The following ZC3HAV1 variants were observed in gnomAD, a reference collection of about 807,000 sequenced individuals.
The protein encoded by ZC3HAV1 is zinc finger CCCH-type containing, antiviral 1.
A neutral mutation model predicts 86.6 loss-of-function variants in ZC3HAV1; 41 were observed. That is an observed-to-expected ratio of 0.47 (90% CI 0.37 to 0.61). The LOEUF (loss-of-function observed/expected upper bound fraction) is 0.61. Ranked by LOEUF, ZC3HAV1 falls within the 20% of genes least tolerant of loss-of-function variation. ZC3HAV1 has a pLI of 0.00. For missense variants in ZC3HAV1, 964 were observed against 1,141.1 expected (o/e 0.84, Z 2.24); for synonymous variants, 421 against 432.1 (o/e 0.97, Z 0.32).
At chr7:139,087,851 A>G (rs1817314864) in intron 2 of ZC3HAV1, among the ~76,000 whole-genome samples, 1 of 151,784 alleles carries the variant, frequency 6.6e-6, no homozygotes. Context: ...CAACATAGTG[A>G]GACCCTGTCC....
At chr7:139,098,473 G>C (rs1283682583) in intron 1 of ZC3HAV1, among the ~76,000 whole-genome samples, 1 of 152,040 alleles carries the variant, frequency 6.6e-6, no homozygotes, top group African/African-American at 2.4e-5. Context: ...ACCTCTTTTA[G>C]CTTCATTTTC....
chr7:139,096,392 G>A (rs1305615977), intron 1 of ZC3HAV1, among the ~76,000 whole-genome samples: 1 of 152,004 alleles, frequency 6.6e-6, no homozygotes, highest in Non-Finnish European at 1.5e-5. Flanking sequence ...CCCACCACCC[G>A]CCACAATACT....
At chr7:139,095,623 G>C (rs1430765329) in intron 1 of ZC3HAV1, among the ~76,000 whole-genome samples, 2 of 152,234 alleles carry the variant, frequency 1.3e-5, no homozygotes, top group Admixed American at 6.5e-5. Flanking sequence ...GCCCGCTGAG[G>C]ATAGGGGAGG....
At chr7:139,104,083 TG>T (rs149805090) in intron 1 of ZC3HAV1, among the ~76,000 whole-genome samples, 1,537 of 152,302 alleles carry the variant, frequency 0.01, 26 homozygotes, top group African/African-American at 0.035. Context: ...CTGAAAAATG[TG>T]AACACTTATT....
chr7:139,078,687 C>G (rs1161842145), intron 4 of ZC3HAV1, 34 bp from the exon 5 acceptor site: 64 of 1,480,962 alleles, frequency 4.3e-5, no homozygotes, highest in Non-Finnish European at 5.1e-5. Flanking sequence ...GTATGCTGAT[C>G]TTAATGTTTA....
intron 8 of ZC3HAV1, among the ~76,000 whole-genome samples, chr7:139,063,554 C>A (rs544431462): frequency 7.5e-4 from 114 of 151,676 alleles, no homozygotes; most frequent in African/African-American, 2.6e-3. Flanking sequence ...AGATCCCCAT[C>A]TGTACAAAAA....
At chr7:139,085,779 G>A (rs1430729507) in intron 2 of ZC3HAV1, among the ~76,000 whole-genome samples, 1 of 152,162 alleles carries the variant, frequency 6.6e-6, no homozygotes, top group East Asian at 1.9e-4. Context: ...TTGGGAGGCT[G>A]AGGCGGGAGG....
Position 139,076,429 on chromosome 7 carries a change from G to A in ZC3HAV1, c.1574-20C>T, listed in dbSNP as rs769462966. The A allele has an allele frequency of 6.2e-7, 1 of 1,613,598 alleles. No individual in the cohort carries two copies. The highest frequency in any genetic ancestry group is 8.5e-7 in the Non-Finnish European group (1 of 1,179,840). Reference sequence around the variant, plus strand: ...AGCTACCTACAAAGACAAAGAAGGGGTCTGAGGGACTGTTGAGCAGGGATT... The same window carrying A: ...AGCTACCTACAAAGACAAAGAAGGGATCTGAGGGACTGTTGAGCAGGGATT... On this transcript the variant is annotated intron_variant, in intron 5 of 12. Transcript: ENST00000242351.
chr7:139,072,029 T>C (rs1275269498), intron 7 of ZC3HAV1, among the ~76,000 whole-genome samples: 2 of 152,220 alleles, frequency 1.3e-5, no homozygotes, highest in Non-Finnish European at 2.9e-5. Flanking sequence ...CTTTGGCAGT[T>C]AGGCAGCTCA....
At chr7:139,087,040 T>TA (rs1468566310) in intron 2 of ZC3HAV1, among the ~76,000 whole-genome samples, 1 of 152,240 alleles carries the variant, frequency 6.6e-6, no homozygotes, top group Non-Finnish European at 1.5e-5. Context: ...GGCCCGATGT[T>TA]AAAAGTACCT....
chr7:139,063,300 T>A (rs935648858), intron 8 of ZC3HAV1, among the ~76,000 whole-genome samples: 1 of 152,168 alleles, frequency 6.6e-6, no homozygotes, highest in African/African-American at 2.4e-5. Flanking sequence ...ATAGAAGAGA[T>A]TTTAATTTTT....
At chr7:139,102,246 G>A (rs1346533200) in intron 1 of ZC3HAV1, among the ~76,000 whole-genome samples, 1 of 152,072 alleles carries the variant, frequency 6.6e-6, no homozygotes, top group Non-Finnish European at 1.5e-5. Flanking sequence ...TGATCCTCCC[G>A]CCTCAGCCTC....
Position 139,073,994 on chromosome 7 carries a change from T to G in ZC3HAV1, c.1734A>C (p.Val578=). ...GGATGGGAAAGGAATCACAACTCAT[T>G]ACCCGAAAATTGATTGTATAACTTC... is the stretch of plus-strand genomic sequence containing the variant. The part of the protein sequence containing the change: ...SVGSYTINFR[V]MSCDSFPIRR... Residue 578 remains valine (V), a synonymous_variant, in exon 7 of 13, where the codon GTA becomes GTC. Coordinates refer to ENST00000242351, the MANE Select transcript of ZC3HAV1 (RefSeq NM_020119.4). The G allele has an allele frequency of 6.2e-7, 1 of 1,613,458 alleles. No individual in the cohort carries two copies. The highest frequency in any genetic ancestry group is 8.5e-7 in the Non-Finnish European group (1 of 1,179,580).
At chr7:139,059,343 G>A (rs1010907459) in intron 9 of ZC3HAV1, among the ~76,000 whole-genome samples, 1 of 152,188 alleles carries the variant, frequency 6.6e-6, no homozygotes. Flanking sequence ...GGGGCCAAGT[G>A]CAGTGGCTCA....
chr7:139,058,183 CT>C lies in ZC3HAV1; in HGVS notation c.2096+2852del, dbSNP rs1331866610. On this transcript the variant is annotated intron_variant, in intron 9 of 12. Coordinates refer to ENST00000242351, the MANE Select transcript of ZC3HAV1 (RefSeq NM_020119.4). ...CACCCTCCCCCACTAACATGTTTTT[CT>C]AATTTATTTTTTTTATTCATGTGGC... is the stretch of plus-strand genomic sequence containing the variant. 2.3e-5 allele frequency among the ~76,000 whole-genome samples: 3 copies of C among 131,104 alleles called. No homozygotes were observed. In the Admixed American group the frequency reaches 2.6e-4, roughly 11 times the overall value. The allele number at this position is 131,104 out of a possible 152,430, so 86.0% of individuals were successfully genotyped here. A position where few individuals can be genotyped will look rare whatever the true frequency, so the allele number is the denominator to read the frequency against.
intron 5 of ZC3HAV1, among the ~76,000 whole-genome samples, chr7:139,077,605 T>G (rs758256482): frequency 6.6e-6 from 1 of 152,182 alleles, no homozygotes; most frequent in Non-Finnish European, 1.5e-5. Flanking sequence ...GGCTGCACTA[T>G]GGTTTAGCTT....
At chr7:139,078,489 T>C (rs962060545) in intron 5 of ZC3HAV1, 63 bp downstream of exon 5, 6 of 1,237,010 alleles carry the variant, frequency 4.9e-6, no homozygotes, top group African/African-American at 1.5e-5. Flanking sequence ...CCCATGTTCA[T>C]AGCAGTGTTA....
Position 139,079,449 on chromosome 7 carries a change from G to A in ZC3HAV1, c.1471+21C>T, listed in dbSNP as rs770468171. 11 of 1,614,092 alleles carry A rather than the reference G, an allele frequency of 6.8e-6. No individual in the cohort carries two copies. In the East Asian group the frequency reaches 1.1e-4, roughly 16 times the overall value. ...TCATGAACAAATGTACTAGCCCAAA[G>A]TGTCTTCCCTTTGTATTTACCGTTA... On this transcript the variant is annotated intron_variant, in intron 4 of 12. Transcript: ENST00000242351.
At chr7:139,083,554 C>T (rs1584861435) in intron 3 of ZC3HAV1, among the ~76,000 whole-genome samples, 2 of 151,904 alleles carry the variant, frequency 1.3e-5, no homozygotes, top group African/African-American at 2.4e-5. Context: ...CATGGCGAAA[C>T]CCCGTCTCTA....
Sources: allele counts gnomAD v4.1 joint callset (sites outside exome capture counted in the v4.1 genomes callset), GRCh38; gene constraint gnomAD v4.1.1; transcripts MANE v1.5; gene names NCBI Gene and HGNC (gene_info 2026-07-23, HGNC 2026-07-21).